FOXP2: variants seen among roughly 807,000 people sequenced by gnomAD.
The protein encoded by FOXP2 is forkhead box P2.
A neutral mutation model predicts 115.8 loss-of-function variants in FOXP2; 12 were observed. The ratio of observed to expected loss-of-function variants is 0.10; its 90% confidence interval spans 0.07 to 0.17. The LOEUF is 0.17. Ranked by LOEUF, FOXP2 falls within the 10% of genes least tolerant of loss-of-function variation. The pLI, the probability that FOXP2 is intolerant of heterozygous loss-of-function variation, is 1.00. For synonymous variants in FOXP2, 328 were observed against 297.7 expected, an observed-to-expected ratio of 1.10 and a Z score of -1.05; for missense variants, 629 against 843.5, an observed-to-expected ratio of 0.75 and a Z score of 3.15.
chr7:114,156,319 G>T (rs1324343887), intron 1 of FOXP2, among the ~76,000 whole-genome samples: 5 of 152,058 alleles, frequency 3.3e-5, no homozygotes, highest in African/African-American at 1.2e-4. Flanking sequence ...GCTCTCTCCT[G>T]CTCTGCTCAT....
intron 2 of FOXP2, among the ~76,000 whole-genome samples, chr7:114,488,104 C>A (rs1584797407): frequency 6.6e-6 from 1 of 152,106 alleles, no homozygotes; most frequent in African/African-American, 2.4e-5. Context: ...GGGGAGGACT[C>A]ACAATTACGG....
At chr7:114,493,230 A>G (rs1288594008) in intron 2 of FOXP2, among the ~76,000 whole-genome samples, 4 of 152,054 alleles carry the variant, frequency 2.6e-5, no homozygotes, top group South Asian at 4.1e-4. Context: ...TATGATTACA[A>G]CCGCTGTCTT....
At chr7:114,469,947 T>TA (rs1322949435) in intron 2 of FOXP2, among the ~76,000 whole-genome samples, 2 of 152,156 alleles carry the variant, frequency 1.3e-5, no homozygotes, top group Non-Finnish European at 2.9e-5. Context: ...ACATCATACT[T>TA]ACGATAGTCC....
At chr7:114,279,998 G>A (rs1291584103) in intron 1 of FOXP2, among the ~76,000 whole-genome samples, 3 of 151,700 alleles carry the variant, frequency 2.0e-5, no homozygotes, top group African/African-American at 4.8e-5. Flanking sequence ...ATTTAAACCT[G>A]CTTTAGCAAT....
chr7:114,553,758 T>C (rs922288959), intron 3 of FOXP2, among the ~76,000 whole-genome samples: 1 of 152,090 alleles, frequency 6.6e-6, no homozygotes, highest in African/African-American at 2.4e-5. Flanking sequence ...AAGATGAAAG[T>C]AAAGTTCTGT....
chr7:114,407,713 A>T (rs1386901452), intron 2 of FOXP2, among the ~76,000 whole-genome samples: 1 of 152,108 alleles, frequency 6.6e-6, no homozygotes, highest in Non-Finnish European at 1.5e-5. Flanking sequence ...TTCTATGCAA[A>T]TATTTGAACA....
chr7:114,282,165 G>C (rs1796355097), intron 1 of FOXP2, among the ~76,000 whole-genome samples: 2 of 152,132 alleles, frequency 1.3e-5, no homozygotes, highest in Non-Finnish European at 2.9e-5. Context: ...TTGTAGATTA[G>C]CTATAATTAG....
intron 1 of FOXP2, among the ~76,000 whole-genome samples, chr7:114,128,266 G>A (rs1389828638): frequency 1.3e-5 from 2 of 152,072 alleles, no homozygotes; most frequent in Admixed American, 6.6e-5. Context: ...ACTCTTAATG[G>A]ATACATTTCT....
chr7:114,573,034 T>C (rs1451221416), intron 3 of FOXP2, among the ~76,000 whole-genome samples: 1 of 151,778 alleles, frequency 6.6e-6, no homozygotes, highest in Non-Finnish European at 1.5e-5. Context: ...ATCTCTCAGA[T>C]AGAAAGAGCA....
chr7:114,321,623 T>C (rs1797424047), intron 2 of FOXP2, among the ~76,000 whole-genome samples: 1 of 152,196 alleles, frequency 6.6e-6, no homozygotes, highest in Non-Finnish European at 1.5e-5. Context: ...CTCTACTTCC[T>C]TTTGTAGCAA....
intron 2 of FOXP2, among the ~76,000 whole-genome samples, chr7:114,351,255 A>C (rs1334465462): frequency 6.6e-6 from 1 of 152,216 alleles, no homozygotes; most frequent in Non-Finnish European, 1.5e-5. Flanking sequence ...CTATTAGAAT[A>C]AAGAACAATT....
In FOXP2 at chr7:114,690,131, T is replaced by TA; in HGVS notation, c.*205_*206insA. 7.5e-6 allele frequency: 1 copy of TA among 133,858 alleles called. No homozygotes were observed. The allele number at this position is 133,858 out of a possible 1,614,324, so 8.3% of individuals were successfully genotyped here. The stretch of plus-strand genomic sequence containing the variant: ...CTTGTTTTCTTCTTCTTCTTCTTCT[T>TA]TTTTTTTTTTTTTTTAGAAAAAAAG... On this transcript the variant is annotated 3_prime_UTR_variant, in exon 17 of 17. Transcript: ENST00000350908.
At chr7:114,242,168 A>G (rs1795172989) in intron 1 of FOXP2, among the ~76,000 whole-genome samples, 1 of 151,752 alleles carries the variant, frequency 6.6e-6, no homozygotes, top group African/African-American at 2.4e-5. Flanking sequence ...ATAAAAGGAG[A>G]TAATTTGAAA....
chr7:114,601,522 G>T (rs1803023150), intron 3 of FOXP2, among the ~76,000 whole-genome samples: 1 of 151,800 alleles, frequency 6.6e-6, no homozygotes, highest in African/African-American at 2.4e-5. Flanking sequence ...TTTTCTTCTA[G>T]TTCTTTGGTT....
intron 1 of FOXP2, among the ~76,000 whole-genome samples, chr7:114,173,050 A>C (rs1793189591): frequency 6.6e-6 from 1 of 151,980 alleles, no homozygotes; most frequent in Non-Finnish European, 1.5e-5. Context: ...ATGAAAATAT[A>C]GATATATATT....
At chr7:114,314,194 A>G (rs1211969062) in intron 2 of FOXP2, among the ~76,000 whole-genome samples, 1 of 151,184 alleles carries the variant, frequency 6.6e-6, no homozygotes, top group East Asian at 1.9e-4. Context: ...TTGAAAGATT[A>G]TCATAAGTAA....
intron 2 of FOXP2, among the ~76,000 whole-genome samples, chr7:114,512,262 A>C (rs1003511526): frequency 6.6e-6 from 1 of 152,236 alleles, no homozygotes; most frequent in African/African-American, 2.4e-5. Flanking sequence ...ATTAAGATTC[A>C]CTAACAGGCA....
At chr7:114,346,468 A>C (rs1350596539) in intron 2 of FOXP2, among the ~76,000 whole-genome samples, 1 of 151,906 alleles carries the variant, frequency 6.6e-6, no homozygotes, top group Non-Finnish European at 1.5e-5. Flanking sequence ...TGTCAAAGAT[A>C]TCTCTGCAGT....
At chr7:114,359,287 T>G (rs1015006747) in intron 2 of FOXP2, among the ~76,000 whole-genome samples, 8 of 152,198 alleles carry the variant, frequency 5.3e-5, no homozygotes, top group African/African-American at 1.9e-4. Flanking sequence ...TCCGTCTAGA[T>G]TTCAGTGGAT....
Sources: gnomAD v4.1 joint callset for allele counts (sites outside exome capture counted in the v4.1 genomes callset) on GRCh38, gnomAD v4.1.1 for gene constraint, MANE v1.5 for transcripts, NCBI Gene and HGNC (gene_info 2026-07-23, HGNC 2026-07-21) for gene names.